The following SGCD variants were observed in gnomAD, a reference collection of about 807,000 sequenced individuals.
SGCD encodes delta-sarcoglycan.
SGCD carries 18 observed loss-of-function variants against 36.6 expected under a neutral mutation model. That is an observed-to-expected ratio of 0.49 (90% CI 0.34 to 0.73). SGCD has a LOEUF of 0.73. Among genes scored for constraint, SGCD ranks in the 30% least tolerant of loss-of-function variants. SGCD has a pLI of 0.01. For synonymous variants in SGCD, 133 were observed against 130.6 expected, an observed-to-expected ratio of 1.02 and a Z score of -0.12; for missense variants, 387 against 346.7, an observed-to-expected ratio of 1.12 and a Z score of -0.92.
chr5:156,717,475 C>G (rs1755279431), intron 7 of SGCD, among the ~76,000 whole-genome samples: 1 of 152,220 alleles, frequency 6.6e-6, no homozygotes, highest in South Asian at 2.1e-4. Context: ...AACTTATCTG[C>G]ATTTGAGTTA....
chr5:156,165,147 C>T (rs369723384), intron 3 of SGCD, among the ~76,000 whole-genome samples: 1 of 152,060 alleles, frequency 6.6e-6, no homozygotes, highest in Non-Finnish European at 1.5e-5. Flanking sequence ...TGCAGGAGTT[C>T]CGGAGGGAAG....
At chr5:156,529,129 C>T (rs1220397717) in intron 4 of SGCD, among the ~76,000 whole-genome samples, 2 of 151,908 alleles carry the variant, frequency 1.3e-5, no homozygotes, top group East Asian at 1.9e-4. Context: ...GGAAGGTAGC[C>T]TTAAGAAAGG....
chr5:156,234,263 T>C (rs1326738224), intron 3 of SGCD, among the ~76,000 whole-genome samples: 3 of 152,228 alleles, frequency 2.0e-5, no homozygotes, highest in African/African-American at 7.2e-5. Flanking sequence ...AAGGGTTCTT[T>C]GTATATGTTG....
intron 7 of SGCD, among the ~76,000 whole-genome samples, chr5:156,746,769 A>T (rs983842167): frequency 1.3e-5 from 2 of 152,344 alleles, no homozygotes; most frequent in African/African-American, 4.8e-5. Flanking sequence ...CTAGAAGAAA[A>T]CATGGGAAGA....
chr5:156,013,755 T>C (rs1758909810), intron 1 of SGCD, among the ~76,000 whole-genome samples: 1 of 152,220 alleles, frequency 6.6e-6, no homozygotes, highest in African/African-American at 2.4e-5. Flanking sequence ...ATATTTTTTC[T>C]AATGTGTCCT....
the SGCD span, among the ~76,000 whole-genome samples, chr5:155,864,247 GCGGT>G: frequency 6.6e-6 from 1 of 152,204 alleles, no homozygotes; most frequent in African/African-American, 2.4e-5. Flanking sequence ...AGCGCAGTAG[GCGGT>G]TAGTTCAGAG....
At chr5:155,756,209 C>A in the SGCD span, among the ~76,000 whole-genome samples, 94 of 152,318 alleles carry the variant, frequency 6.2e-4, no homozygotes, top group African/African-American at 2.2e-3. Context: ...ACTGGGCAAT[C>A]TTTGATCAAC....
intron 1 of SGCD, among the ~76,000 whole-genome samples, chr5:155,906,933 T>C (rs1447048044): frequency 1.4e-5 from 2 of 146,400 alleles, no homozygotes; most frequent in African/African-American, 4.9e-5. Flanking sequence ...TGGAAGAAGA[T>C]GTAATATAGT....
At chr5:155,951,555 G>A (rs1335500347) in intron 1 of SGCD, among the ~76,000 whole-genome samples, 1 of 152,120 alleles carries the variant, frequency 6.6e-6, no homozygotes, top group Non-Finnish European at 1.5e-5. Context: ...TATTTTTTGT[G>A]CATGCCTAAT....
chr5:156,329,483 A>AG, intron 1 of SGCD, 51 bp from the exon 2 acceptor site: 1 of 1,254,778 alleles, frequency 8.0e-7, no homozygotes, highest in Non-Finnish European at 1.2e-6. Flanking sequence ...CTAGGCAAGG[A>AG]GGGGGCAGGC....
At chr5:156,260,269 T>C (rs1056201360) in intron 3 of SGCD, among the ~76,000 whole-genome samples, 1 of 152,210 alleles carries the variant, frequency 6.6e-6, no homozygotes, top group Non-Finnish European at 1.5e-5. Flanking sequence ...AGAATAGTCT[T>C]GTCTAGTTCT....
intron 1 of SGCD, among the ~76,000 whole-genome samples, chr5:155,991,613 T>A (rs954957347): frequency 1.3e-5 from 2 of 152,020 alleles, no homozygotes; most frequent in Non-Finnish European, 2.9e-5. Context: ...AGAAAGAAAC[T>A]CTTTTGAATA....
At chr5:156,129,800 T>G (rs1159886211) in intron 3 of SGCD, among the ~76,000 whole-genome samples, 9 of 152,346 alleles carry the variant, frequency 5.9e-5, no homozygotes, top group African/African-American at 1.7e-4. Flanking sequence ...TTCATCCATG[T>G]TCCCACATTA....
chr5:155,782,806 A>G, the SGCD span, among the ~76,000 whole-genome samples: 1 of 152,158 alleles, frequency 6.6e-6, no homozygotes, highest in Non-Finnish European at 1.5e-5. Flanking sequence ...GCTCCTTATG[A>G]GAATCTAATG....
intron 6 of SGCD, among the ~76,000 whole-genome samples, chr5:156,602,559 C>T (rs1362995553): frequency 6.6e-6 from 1 of 152,130 alleles, no homozygotes; most frequent in Non-Finnish European, 1.5e-5. Context: ...ACTTCCCATT[C>T]AGTATGATGT....
intron 3 of SGCD, among the ~76,000 whole-genome samples, chr5:156,218,864 CT>C (rs1224683406): frequency 6.6e-6 from 1 of 152,134 alleles, no homozygotes; most frequent in East Asian, 1.9e-4. Context: ...TAAATATCCC[CT>C]ATTTATACAT....
In SGCD at chr5:156,375,550, G is replaced by A. The variant is rs543539400; in HGVS notation, c.192+30873G>A. Among the ~76,000 whole-genome samples the A allele has an allele frequency of 5.3e-5, 8 of 152,194 alleles. No homozygotes were observed. In the South Asian group the frequency reaches 1.7e-3, roughly 32 times the overall value. On this transcript the variant is annotated intron_variant, in intron 3 of 8. Transcript: ENST00000337851. Reference sequence around the variant, plus strand: ...TAATATTAATCTCCAGACTATAGCTGTGCTGTGTGATCATTTCCAAAGTGT... The same window carrying A: ...TAATATTAATCTCCAGACTATAGCTATGCTGTGTGATCATTTCCAAAGTGT...
the SGCD span, among the ~76,000 whole-genome samples, chr5:155,776,696 A>G: frequency 1.7e-5 from 2 of 118,778 alleles, no homozygotes; most frequent in Non-Finnish European, 3.6e-5. Context: ...AGAGCCTTGT[A>G]CTTGACTTTG....
intron 1 of SGCD, among the ~76,000 whole-genome samples, chr5:156,114,963 C>T (rs1266167388): frequency 2.0e-5 from 3 of 151,878 alleles, no homozygotes; most frequent in Non-Finnish European, 4.4e-5. Flanking sequence ...TTATTTTCAA[C>T]TTTTATAATA....
Sources: gnomAD v4.1 joint callset for allele counts (sites outside exome capture counted in the v4.1 genomes callset) on GRCh38, gnomAD v4.1.1 for gene constraint, MANE v1.5 for transcripts, NCBI Gene and HGNC (gene_info 2026-07-23, HGNC 2026-07-21) for gene names.